ZNF618: variants seen among roughly 807,000 people sequenced by gnomAD.
The protein encoded by ZNF618 is neural precursor cell expressed, developmentally down-regulated 10.
In ZNF618, 34 loss-of-function variants were observed where a neutral mutation model predicts 103.0. The observed-to-expected ratio is 0.33, with a 90% CI of 0.25 to 0.44. The LOEUF (loss-of-function observed/expected upper bound fraction) is 0.44, where lower values mean the gene tolerates loss of function less well. Ranked by LOEUF, ZNF618 falls within the 20% of genes least tolerant of loss-of-function variation. The pLI is 1.00. For missense variants in ZNF618, 1,059 were observed against 1,295.4 expected (o/e 0.82, Z 2.80); for synonymous variants, 551 against 542.2 (o/e 1.02, Z -0.23).
chr9:114,050,435 C>A lies in ZNF618; in HGVS notation c.*268C>A. On this transcript the variant is annotated 3_prime_UTR_variant, in exon 15 of 15. Transcript: ENST00000374126. ...CATCTCCATGGCCAGAGAAACTTTG[C>A]ACACACGCACACACACACACACACA... 6.1e-6 allele frequency: 2 copies of A among 325,944 alleles called. No homozygotes were observed. The allele number at this position is 325,944 out of a possible 1,614,324, so 20.2% of individuals were successfully genotyped here. A position where few individuals can be genotyped will look rare whatever the true frequency, so the allele number is the denominator to read the frequency against.
At chr9:113,881,199 G>A (rs1378353789) in intron 1 of ZNF618, among the ~76,000 whole-genome samples, 1 of 152,214 alleles carries the variant, frequency 6.6e-6, no homozygotes, top group African/African-American at 2.4e-5. Flanking sequence ...TTTTTCTGGA[G>A]TTAGAGAGTC....
At chr9:113,907,625 A>C (rs1454858402) in intron 1 of ZNF618, among the ~76,000 whole-genome samples, 2 of 152,222 alleles carry the variant, frequency 1.3e-5, no homozygotes, top group East Asian at 3.9e-4. Context: ...ATGAGTAGGC[A>C]AGCGCTTTCC....
At chr9:114,000,090 G>T (rs868469445) in intron 4 of ZNF618, among the ~76,000 whole-genome samples, 1 of 152,162 alleles carries the variant, frequency 6.6e-6, no homozygotes, top group Non-Finnish European at 1.5e-5. Flanking sequence ...TGTGACAAGG[G>T]TAATACACAT....
At chr9:113,935,776 CTG>C (rs949934180) in intron 1 of ZNF618, among the ~76,000 whole-genome samples, 63 of 152,300 alleles carry the variant, frequency 4.1e-4, no homozygotes, top group African/African-American at 1.4e-3. Context: ...CTGCCCTGTG[CTG>C]TGTACTCAGG....
At chr9:113,933,766 G>T (rs1006373240) in intron 1 of ZNF618, among the ~76,000 whole-genome samples, 1 of 152,022 alleles carries the variant, frequency 6.6e-6, no homozygotes, top group African/African-American at 2.4e-5. Context: ...GGAGAGAGAG[G>T]TCTAAAGATG....
At chr9:113,934,834 G>A (rs1355561694) in intron 1 of ZNF618, among the ~76,000 whole-genome samples, 2 of 152,236 alleles carry the variant, frequency 1.3e-5, no homozygotes, top group African/African-American at 4.8e-5. Context: ...GTGCCTGGCC[G>A]TGGCCCGAGC....
At chr9:113,992,341 A>G (rs548456302) in intron 3 of ZNF618, among the ~76,000 whole-genome samples, 2 of 152,128 alleles carry the variant, frequency 1.3e-5, no homozygotes, top group South Asian at 4.2e-4. Flanking sequence ...AGTTGGTGAC[A>G]TTTTCTTTCG....
At chr9:113,906,827 A>G (rs1298579675) in intron 1 of ZNF618, among the ~76,000 whole-genome samples, 1 of 152,238 alleles carries the variant, frequency 6.6e-6, no homozygotes, top group African/African-American at 2.4e-5. Context: ...GTGTATTGGC[A>G]TGCCTACTGA....
chr9:113,909,024 C>T (rs1267175473), intron 1 of ZNF618, among the ~76,000 whole-genome samples: 2 of 151,914 alleles, frequency 1.3e-5, no homozygotes, highest in African/African-American at 4.8e-5. Context: ...GCCGGTGAAT[C>T]CCTTAGTGGC....
chr9:113,935,071 G>T (rs1181578429), intron 1 of ZNF618, among the ~76,000 whole-genome samples: 1 of 152,238 alleles, frequency 6.6e-6, no homozygotes, highest in African/African-American at 2.4e-5. Flanking sequence ...CACAAGGCTG[G>T]TCAGGGGTGA....
intron 1 of ZNF618, among the ~76,000 whole-genome samples, chr9:113,953,512 T>C (rs150691914): frequency 6.6e-6 from 1 of 152,364 alleles, no homozygotes; most frequent in African/African-American, 2.4e-5. Flanking sequence ...ATGTGGTATT[T>C]GTTAGTGTAA....
At chr9:114,000,196 C>T (rs1244168368) in intron 4 of ZNF618, among the ~76,000 whole-genome samples, 1 of 152,174 alleles carries the variant, frequency 6.6e-6, no homozygotes, top group Non-Finnish European at 1.5e-5. Flanking sequence ...GGCACCGGCT[C>T]CTGTTCCTCA....
rs1587912548 is a variant in ZNF618, at chr9:113,881,110, T to C, written c.33+4697T>C. The stretch of plus-strand genomic sequence containing the variant: ...TTGAAGGCAGCGTCTTTGCAAGGTC[T>C]TCTTGCTGGAGAGGAGATCTAAAGT... On this transcript the variant is annotated intron_variant, in intron 1 of 14. Coordinates refer to ENST00000374126, the MANE Select transcript of ZNF618 (RefSeq NM_001318042.2). Among the ~76,000 whole-genome samples, 3 of 152,344 alleles carry C rather than the reference T, an allele frequency of 2.0e-5. No homozygotes were observed. The South Asian group carries it at 6.2e-4, about 32-fold the overall frequency.
At chr9:113,970,047 A>C (rs1192243947) in intron 2 of ZNF618, among the ~76,000 whole-genome samples, 2 of 152,146 alleles carry the variant, frequency 1.3e-5, no homozygotes, top group Non-Finnish European at 2.9e-5. Context: ...TGTGTGAGGA[A>C]AAAAAGGTTC....
At chr9:113,910,005 G>A (rs767965876) in intron 1 of ZNF618, among the ~76,000 whole-genome samples, 14 of 152,074 alleles carry the variant, frequency 9.2e-5, no homozygotes, top group Admixed American at 7.2e-4. Context: ...GGCTGGTCTC[G>A]AACTCCTGAC....
rs1265277846 is a variant in ZNF618 at position 114,050,559 on chromosome 9, G to A, written c.*392G>A. On this transcript the variant is annotated 3_prime_UTR_variant, in exon 15 of 15. Transcript: ENST00000374126. ...TCAGGAAAGCTGAGCGATTGGGAAA[G>A]AGGGAGATGTTTCACCTCCTTTTCT... is the stretch of plus-strand genomic sequence containing the variant. 1 of 154,978 alleles carries A rather than the reference G, an allele frequency of 6.5e-6. No individual in the cohort carries two copies. Among genetic ancestry groups the A allele is most frequent in the Admixed American group, 6.8e-5 (1 of 14,676 alleles). 9.6% of individuals were successfully genotyped at this position (154,978 alleles called of 1,614,324 possible). A position where few individuals can be genotyped will look rare whatever the true frequency, so the allele number is the denominator to read the frequency against.
Position 114,050,271 on chromosome 9 carries a change from G to A in ZNF618, c.*104G>A, listed in dbSNP as rs1846035344. 1 of 1,381,792 alleles carries A rather than the reference G, an allele frequency of 7.2e-7. No individual in the cohort carries two copies. The highest frequency in any genetic ancestry group is 9.7e-7 in the Non-Finnish European group (1 of 1,031,648). 85.6% of individuals were successfully genotyped at this position (1,381,792 alleles called of 1,614,324 possible). A position where few individuals can be genotyped will look rare whatever the true frequency, so the allele number is the denominator to read the frequency against. The stretch of plus-strand genomic sequence containing the variant: ...AGGAATTTAAGTTCTAAACACTGTG[G>A]ACCTCATTATAAATGCCCCCTGGAA... On this transcript the variant is annotated 3_prime_UTR_variant, in exon 15 of 15. Coordinates refer to ENST00000374126, the MANE Select transcript of ZNF618 (RefSeq NM_001318042.2).
intron 1 of ZNF618, among the ~76,000 whole-genome samples, chr9:113,948,935 T>C (rs975665040): frequency 6.6e-6 from 1 of 152,226 alleles, no homozygotes; most frequent in African/African-American, 2.4e-5. Context: ...AAACTGGGAG[T>C]TTGCTATGAG....
intron 13 of ZNF618, among the ~76,000 whole-genome samples, chr9:114,038,799 C>T (rs1381610717): frequency 6.6e-6 from 1 of 152,202 alleles, no homozygotes. Flanking sequence ...TTGACGTTTT[C>T]ATCCCCATTA....
Sources: gnomAD v4.1 joint callset for allele counts (sites outside exome capture counted in the v4.1 genomes callset) on GRCh38, gnomAD v4.1.1 for gene constraint, MANE v1.5 for transcripts, NCBI Gene and HGNC (gene_info 2026-07-23, HGNC 2026-07-21) for gene names.